The following TBC1D22A variants were observed in gnomAD, a reference collection of about 807,000 sequenced individuals.
The protein encoded by TBC1D22A is putative GTPase activator.
Under a neutral mutation model 60.2 loss-of-function variants are expected in TBC1D22A, and 38 were observed. The ratio of observed to expected loss-of-function variants is 0.63; its 90% CI spans 0.49 to 0.83. The LOEUF is 0.83. Among genes scored for constraint, TBC1D22A ranks in the 40% least tolerant of loss-of-function variants. The pLI, the probability that TBC1D22A is intolerant of heterozygous loss-of-function variation, is 0.00. For synonymous variants in TBC1D22A, 302 were observed against 281.7 expected (o/e 1.07, Z -0.72); for missense variants, 628 against 701.0 (o/e 0.90, Z 1.18).
intron 7 of TBC1D22A, among the ~76,000 whole-genome samples, chr22:46,903,672 C>G (rs1284297659): frequency 6.6e-6 from 1 of 152,152 alleles, no homozygotes; most frequent in African/African-American, 2.4e-5. Context: ...CCTGCCCCAG[C>G]AGGGTAAGAA....
intron 1 of TBC1D22A, among the ~76,000 whole-genome samples, chr22:46,765,854 C>G (rs1245491318): frequency 6.6e-6 from 1 of 151,042 alleles, no homozygotes; most frequent in Non-Finnish European, 1.5e-5. Flanking sequence ...GATCTCAGCT[C>G]ACTGCTACCT....
intron 9 of TBC1D22A, 140 bp from the exon 10 acceptor site, chr22:46,997,494 T>C (rs1215168391): frequency 1.4e-5 from 9 of 660,540 alleles, no homozygotes; most frequent in Non-Finnish European, 2.4e-5. Flanking sequence ...CATCCACTTG[T>C]GTGTTTCTCG....
At chr22:47,069,936 C>T (rs1263742964) in intron 11 of TBC1D22A, among the ~76,000 whole-genome samples, 74 of 134,004 alleles carry the variant, frequency 5.5e-4, no homozygotes, top group Non-Finnish European at 6.7e-4. Flanking sequence ...TTGGTTGGAG[C>T]AGAGCTGACC....
intron 10 of TBC1D22A, among the ~76,000 whole-genome samples, chr22:47,020,484 TTC>T (rs1469395697): frequency 6.2e-5 from 9 of 145,638 alleles, no homozygotes; most frequent in Non-Finnish European, 8.8e-5. Context: ...AGTTTCTTAT[TTC>T]TCTGTTTCCT....
chr22:46,969,295 C>T (rs957160503), intron 8 of TBC1D22A, among the ~76,000 whole-genome samples: 1 of 152,172 alleles, frequency 6.6e-6, no homozygotes, highest in African/African-American at 2.4e-5. Context: ...GAAAATAGTG[C>T]AAATTTCCCG....
chr22:46,867,314 CCTGGCACAACCT>C (rs979612289), intron 4 of TBC1D22A, among the ~76,000 whole-genome samples: 3 of 152,300 alleles, frequency 2.0e-5, no homozygotes, highest in East Asian at 1.9e-4. Flanking sequence ...GCTGTGCATG[CCTGGCACAACCT>C]CTGGCACAAC....
rs181711720 is a variant in TBC1D22A, at chr22:46,932,950, C to G, written c.1015+20762C>G. 2.6e-3 allele frequency among the ~76,000 whole-genome samples: 394 copies of G among 152,166 alleles called. 1 individual carries two copies. The highest frequency in any genetic ancestry group is 9.2e-3 in the African/African-American group (381 of 41,510). Reference sequence around the variant, plus strand: ...ATGTTGGTTAGGCTAGTCTTGAACTCCTGACCTTGTGATCCGCCTGCCTTG... The same window carrying G: ...ATGTTGGTTAGGCTAGTCTTGAACTGCTGACCTTGTGATCCGCCTGCCTTG... On this transcript the variant is annotated intron_variant, in intron 8 of 12. Transcript: ENST00000337137.
At chr22:46,778,663 G>A (rs2146776185) in intron 1 of TBC1D22A, among the ~76,000 whole-genome samples, 1 of 152,266 alleles carries the variant, frequency 6.6e-6, no homozygotes, top group East Asian at 1.9e-4. Context: ...TGAAGGACTA[G>A]GGACTTGCCT....
chr22:46,777,528 A>G lies in TBC1D22A; in HGVS notation c.62+14680A>G, dbSNP rs1486808873. On this transcript the variant is annotated intron_variant, in intron 1 of 12. Coordinates refer to ENST00000337137, the MANE Select transcript of TBC1D22A (RefSeq NM_014346.5). The surrounding 1 kb of genome is among the most constrained non-coding windows in gnomAD (Gnocchi z 4.5). Reference sequence around the variant, plus strand: ...ACCGTTTACTCGGGTGGAGGAGGTCAGGAGAGAGCATGATTTTTCATAAGA... The same window carrying G: ...ACCGTTTACTCGGGTGGAGGAGGTCGGGAGAGAGCATGATTTTTCATAAGA... 6.6e-6 allele frequency among the ~76,000 whole-genome samples: 1 copy of G among 152,110 alleles called. No individual in the cohort carries two copies. Among genetic ancestry groups the G allele is most frequent in the Non-Finnish European group, 1.5e-5 (1 of 68,028 alleles).
chr22:46,938,144 C>T lies in TBC1D22A; in HGVS notation c.1015+25956C>T, dbSNP rs185926514. Among the ~76,000 whole-genome samples, 8 of 152,330 alleles carry T rather than the reference C, an allele frequency of 5.3e-5. No individual in the cohort carries two copies. The East Asian group carries it at 1.5e-3, about 29-fold the overall frequency. On this transcript the variant is annotated intron_variant, in intron 8 of 12. Coordinates refer to ENST00000337137, the MANE Select transcript of TBC1D22A (RefSeq NM_014346.5). ...GCCACTCAGCACTCACTCACTGACT[C>T]ACCCAGAGCAACTTCCAGTCCTGCA... is the stretch of plus-strand genomic sequence containing the variant.
At chr22:46,805,398 C>G (rs2146987210) in intron 4 of TBC1D22A, among the ~76,000 whole-genome samples, 1 of 152,320 alleles carries the variant, frequency 6.6e-6, no homozygotes, top group East Asian at 1.9e-4. Context: ...TGAACAAATT[C>G]AAAAGTTAAG....
chr22:46,929,701 T>G (rs1008336883), intron 8 of TBC1D22A, among the ~76,000 whole-genome samples: 10 of 8,240 alleles, frequency 1.2e-3, no homozygotes, highest in Non-Finnish European at 2.2e-3. Context: ...AAGACAAGGG[T>G]GTGTGTGTGT....
In TBC1D22A at chr22:47,155,775, G is replaced by A. The variant is rs191770327; in HGVS notation, c.1426-17723G>A. Reference sequence around the variant, plus strand: ...CCCCACCCGAGTGCCCACCCTCAGGGGCGGTGGTGCGGACGGGCGCAGCCT... The same window carrying A: ...CCCCACCCGAGTGCCCACCCTCAGGAGCGGTGGTGCGGACGGGCGCAGCCT... On this transcript the variant is annotated intron_variant, in intron 12 of 12. Transcript: ENST00000337137. Among the ~76,000 whole-genome samples the A allele has an allele frequency of 4.2e-3, 643 of 152,370 alleles. 2 individuals carry two copies. Among genetic ancestry groups the A allele is most frequent in the Non-Finnish European group, 7.0e-3 (474 of 68,032 alleles).
intron 8 of TBC1D22A, among the ~76,000 whole-genome samples, chr22:46,966,417 C>G (rs1156607491): frequency 4.6e-5 from 7 of 152,226 alleles, no homozygotes; most frequent in Non-Finnish European, 2.9e-5. Context: ...CTTCCAGGCA[C>G]TAACATGTTC....
intron 11 of TBC1D22A, among the ~76,000 whole-genome samples, chr22:47,099,729 GCTACCGCA>G (rs1304287749): frequency 6.6e-6 from 1 of 151,566 alleles, no homozygotes; most frequent in Non-Finnish European, 1.5e-5. Flanking sequence ...ACAGGCGTGA[GCTACCGCA>G]CCTGGCCTCG....
At chr22:46,835,715 TAGCC>T (rs1460461983) in intron 4 of TBC1D22A, among the ~76,000 whole-genome samples, 1 of 151,974 alleles carries the variant, frequency 6.6e-6, no homozygotes, top group Non-Finnish European at 1.5e-5. Flanking sequence ...GGGAGAGAAA[TAGCC>T]AGACTCAAGA....
chr22:46,936,990 C>T (rs1174680550), intron 8 of TBC1D22A, among the ~76,000 whole-genome samples: 1 of 151,298 alleles, frequency 6.6e-6, no homozygotes, highest in Non-Finnish European at 1.5e-5. Context: ...TCATGCTTGG[C>T]TTTTTTGTGG....
At chr22:47,042,808 A>G (rs190050944) in intron 11 of TBC1D22A, among the ~76,000 whole-genome samples, 3 of 152,132 alleles carry the variant, frequency 2.0e-5, no homozygotes, top group Non-Finnish European at 2.9e-5. Flanking sequence ...GTGCATCATC[A>G]TGGCACCTGA....
intron 7 of TBC1D22A, among the ~76,000 whole-genome samples, chr22:46,906,673 A>G (rs766429470): frequency 3.9e-5 from 6 of 152,156 alleles, no homozygotes; most frequent in Admixed American, 2.0e-4. Flanking sequence ...GCAAGTCACT[A>G]AGGAAAGGCT....
Sources: allele counts gnomAD v4.1 joint callset (sites outside exome capture counted in the v4.1 genomes callset), GRCh38; gene constraint gnomAD v4.1.1; non-coding constraint Gnocchi (gnomAD v3.1); transcripts MANE v1.5; gene names NCBI Gene and HGNC (gene_info 2026-07-23, HGNC 2026-07-21).